Variants in DSCAM observed in about 807,000 individuals in gnomAD.
The protein encoded by DSCAM is DS cell adhesion molecule.
Under a neutral mutation model 217.7 loss-of-function variants are expected in DSCAM, and 47 were observed. The observed-to-expected ratio is 0.22, with a 90% CI of 0.17 to 0.28. The LOEUF (loss-of-function observed/expected upper bound fraction) is 0.28, where lower values mean the gene tolerates loss of function less well. Ranked by LOEUF, DSCAM falls within the 10% of genes least tolerant of loss-of-function variation. DSCAM has a pLI of 1.00. For synonymous variants in DSCAM, 1,056 were observed against 1,015.3 expected (o/e 1.04, Z -0.76); for missense variants, 2,080 against 2,618.3 (o/e 0.79, Z 4.49).
chr21:40,271,969 C>T (rs559548964), intron 11 of DSCAM, among the ~76,000 whole-genome samples: 6 of 152,094 alleles, frequency 3.9e-5, no homozygotes, highest in Non-Finnish European at 5.9e-5. Flanking sequence ...AAATCACCTT[C>T]GGAGAAAGGA....
chr21:40,079,859 C>A (rs574237316), intron 25 of DSCAM, among the ~76,000 whole-genome samples: 1 of 152,142 alleles, frequency 6.6e-6, no homozygotes, highest in Non-Finnish European at 1.5e-5. Flanking sequence ...AGAGGGCAAG[C>A]GCCACGCTTC....
intron 11 of DSCAM, among the ~76,000 whole-genome samples, chr21:40,267,421 T>C (rs1465830161): frequency 1.3e-5 from 2 of 152,170 alleles, no homozygotes; most frequent in African/African-American, 4.8e-5. Context: ...GTAGGTTTGT[T>C]ATGTAAGCAT....
rs527944364 is a variant in DSCAM at position 40,154,579 on chromosome 21, T to C, written c.3019-9848A>G. Among the ~76,000 whole-genome samples the C allele has an allele frequency of 2.1e-3, 316 of 152,256 alleles. 2 individuals are homozygous for C. The highest frequency in any genetic ancestry group is 3.1e-3 in the South Asian group (15 of 4,828). On this transcript the variant is annotated intron_variant, in intron 16 of 32. Transcript: ENST00000400454. ...CTCAAATGATATTTTTGTTCATATA[T>C]CTCTCCTTAGAGTTGCACTGTATTA...
At chr21:40,031,563 G>T (rs1014759588) in intron 32 of DSCAM, among the ~76,000 whole-genome samples, 19 of 152,160 alleles carry the variant, frequency 1.2e-4, no homozygotes, top group Admixed American at 5.9e-4. Flanking sequence ...ACATGAGACA[G>T]GCAAATCTTG....
At chr21:40,561,972 A>T (rs1299503359) in intron 3 of DSCAM, among the ~76,000 whole-genome samples, 1 of 152,236 alleles carries the variant, frequency 6.6e-6, no homozygotes, top group Non-Finnish European at 1.5e-5. Flanking sequence ...GACTTCGGTG[A>T]CATTTTCAAA....
intron 2 of DSCAM, among the ~76,000 whole-genome samples, chr21:40,707,885 T>A (rs1437859019): frequency 1.3e-5 from 2 of 152,166 alleles, no homozygotes; most frequent in East Asian, 3.9e-4. Context: ...CACAATATGT[T>A]GTTAAAAGGA....
At chr21:40,472,069 T>C (rs558697683) in intron 3 of DSCAM, among the ~76,000 whole-genome samples, 4 of 152,258 alleles carry the variant, frequency 2.6e-5, no homozygotes, top group African/African-American at 9.6e-5. Flanking sequence ...AAAACAGAGA[T>C]ATAGACCAAT....
At chr21:40,485,035 G>T (rs1419635138) in intron 3 of DSCAM, among the ~76,000 whole-genome samples, 1 of 151,974 alleles carries the variant, frequency 6.6e-6, no homozygotes, top group African/African-American at 2.4e-5. Flanking sequence ...CGCTTCCAGA[G>T]TCTCATTATG....
chr21:40,465,161 G>C (rs1245353538), intron 3 of DSCAM, among the ~76,000 whole-genome samples: 3 of 152,126 alleles, frequency 2.0e-5, no homozygotes, highest in Non-Finnish European at 2.9e-5. Context: ...GATCTTGCAA[G>C]ATCTGGCATC....
intron 1 of DSCAM, among the ~76,000 whole-genome samples, chr21:40,835,236 T>C (rs2092047121): frequency 6.6e-6 from 1 of 152,194 alleles, no homozygotes; most frequent in African/African-American, 2.4e-5. Flanking sequence ...TTTATGCCCT[T>C]TCCGTGGCAG....
intron 20 of DSCAM, among the ~76,000 whole-genome samples, chr21:40,106,496 G>T (rs564455069): frequency 6.6e-6 from 1 of 152,244 alleles, no homozygotes; most frequent in South Asian, 2.1e-4. Flanking sequence ...GAACGAGTTA[G>T]GAAGGAGTCC....
chr21:40,840,247 A>G (rs2092089446), intron 1 of DSCAM, among the ~76,000 whole-genome samples: 1 of 152,248 alleles, frequency 6.6e-6, no homozygotes, highest in Admixed American at 6.5e-5. Context: ...AAAAACCCAT[A>G]AATCCATAGG....
chr21:40,116,556 A>C (rs1448537569), intron 20 of DSCAM, among the ~76,000 whole-genome samples: 1 of 151,976 alleles, frequency 6.6e-6, no homozygotes, highest in East Asian at 1.9e-4. Context: ...GAACATAGAG[A>C]GCCTAGCATC....
intron 11 of DSCAM, among the ~76,000 whole-genome samples, chr21:40,260,142 G>A (rs2073430651): frequency 6.6e-6 from 1 of 152,096 alleles, no homozygotes; most frequent in South Asian, 2.1e-4. Context: ...TGAAAATCAG[G>A]TGCTCTTTTC....
At chr21:40,283,141 G>T (rs561656873) in intron 10 of DSCAM, among the ~76,000 whole-genome samples, 1 of 152,278 alleles carries the variant, frequency 6.6e-6, no homozygotes, top group African/African-American at 2.4e-5. Context: ...CTTCGCCAGG[G>T]TTTGACAGAA....
intron 11 of DSCAM, among the ~76,000 whole-genome samples, chr21:40,200,884 G>A (rs1166938929): frequency 1.3e-5 from 2 of 152,180 alleles, no homozygotes; most frequent in Non-Finnish European, 2.9e-5. Flanking sequence ...CCCTGCTGCA[G>A]AATCAAAAAT....
intron 8 of DSCAM, among the ~76,000 whole-genome samples, chr21:40,334,738 A>G (rs552770178): frequency 7.9e-5 from 12 of 151,878 alleles, no homozygotes; most frequent in Non-Finnish European, 1.8e-4. Flanking sequence ...ACCTCAAACT[A>G]CTAGACTGGA....
intron 30 of DSCAM, among the ~76,000 whole-genome samples, chr21:40,050,875 GAAGA>G (rs1212442621): frequency 1.3e-5 from 2 of 152,162 alleles, no homozygotes; most frequent in East Asian, 3.9e-4. Flanking sequence ...TGTGATCAAA[GAAGA>G]AAGGCGGTAA....
rs1432433283 is a variant in DSCAM, at chr21:40,357,837, T to C, written c.656-4094A>G. 2.7e-5 allele frequency among the ~76,000 whole-genome samples: 4 copies of C among 147,220 alleles called. No individual in the cohort carries two copies. The East Asian group carries it at 6.1e-4, about 22-fold the overall frequency. ...GTAACGAACCTGCACGTTGTGCACA[T>C]GTACCCTAAAACTTAAAGTATAATA... On this transcript the variant is annotated intron_variant, in intron 4 of 32. Coordinates refer to ENST00000400454, the MANE Select transcript of DSCAM (RefSeq NM_001389.5).
Sources: gnomAD v4.1 joint callset for allele counts (sites outside exome capture counted in the v4.1 genomes callset) on GRCh38, gnomAD v4.1.1 for gene constraint, MANE v1.5 for transcripts, NCBI Gene and HGNC (gene_info 2026-07-23, HGNC 2026-07-21) for gene names.